CUX1: variants seen among roughly 807,000 people sequenced by gnomAD.
CUX1 encodes protein CASP.
Under a neutral mutation model 158.8 loss-of-function variants are expected in CUX1, and 31 were observed. The observed-to-expected ratio is 0.20, with a 90% CI of 0.15 to 0.26. The LOEUF (loss-of-function observed/expected upper bound fraction) is 0.26. Among genes scored for constraint, CUX1 ranks in the 10% least tolerant of loss-of-function variants. The pLI is 1.00. For synonymous variants in CUX1, 879 were observed against 862.1 expected, an observed-to-expected ratio of 1.02 and a Z score of -0.34; for missense variants, 1,589 against 2,014.6, an observed-to-expected ratio of 0.79 and a Z score of 4.04.
intron 2 of CUX1, among the ~76,000 whole-genome samples, chr7:102,018,632 C>T (rs1818961076): frequency 6.6e-6 from 1 of 152,234 alleles, no homozygotes; most frequent in Non-Finnish European, 1.5e-5. Context: ...AACAGCCTTT[C>T]CCTTGACAAT....
intron 20 of CUX1, among the ~76,000 whole-genome samples, chr7:102,223,677 AG>A (rs1358318905): frequency 6.6e-6 from 1 of 152,136 alleles, no homozygotes; most frequent in African/African-American, 2.4e-5. Context: ...TAATAAAAAA[AG>A]AAAAAAAGGG....
intron 3 of CUX1, 43 bp from the exon 4 acceptor site, chr7:102,070,296 T>G (rs1201437842): frequency 1.0e-5 from 16 of 1,524,352 alleles, no homozygotes; most frequent in Non-Finnish European, 1.4e-5. Flanking sequence ...TTGACAAATG[T>G]TGAGCTCTTT....
In CUX1 at chr7:102,081,476, C is replaced by G. The variant is rs1032536471; in HGVS notation, c.268+11059C>G. ...ATCCGATGGTTTTATAAGTGTTTGG[C>G]AGTTCCACCTTCGCTCATCTCTCTC... On this transcript the variant is annotated intron_variant, in intron 4 of 23. Coordinates refer to ENST00000292535, the MANE Select transcript of CUX1 (RefSeq NM_181552.4). Among the ~76,000 whole-genome samples, 28 of 146,714 alleles carry G rather than the reference C, an allele frequency of 1.9e-4. 4 individuals are homozygous for G. The highest frequency in any genetic ancestry group is 3.2e-4 in the Non-Finnish European group (21 of 64,914).
intron 1 of CUX1, among the ~76,000 whole-genome samples, chr7:101,839,904 G>A (rs1195179452): frequency 6.6e-6 from 1 of 152,128 alleles, no homozygotes; most frequent in Non-Finnish European, 1.5e-5. Flanking sequence ...TGGGATTACA[G>A]GCATGCGCCA....
downstream of CUX1, among the ~76,000 whole-genome samples, chr7:102,260,765 A>T (rs972456649): frequency 1.6e-4 from 24 of 152,098 alleles, no homozygotes; most frequent in African/African-American, 5.8e-4. Context: ...AATTGCAGGT[A>T]GACAGGGTGG....
chr7:101,879,623 G>T (rs1007623851), intron 1 of CUX1, among the ~76,000 whole-genome samples: 2 of 150,234 alleles, frequency 1.3e-5, no homozygotes, highest in African/African-American at 5.1e-5. Context: ...AGCCAGTGTG[G>T]TGTGACCCCC....
At chr7:101,903,916 C>T (rs987089858) in intron 1 of CUX1, among the ~76,000 whole-genome samples, 21 of 152,036 alleles carry the variant, frequency 1.4e-4, no homozygotes, top group African/African-American at 4.3e-4. Flanking sequence ...ACTTTGTACG[C>T]GTAGCTTTTA....
chr7:102,089,144 T>G (rs1828269925), intron 4 of CUX1, among the ~76,000 whole-genome samples: 1 of 152,252 alleles, frequency 6.6e-6, no homozygotes, highest in Non-Finnish European at 1.5e-5. Flanking sequence ...AGTGAATTTT[T>G]TCCATTTCAC....
chr7:101,945,455 TGTTATTTACA>T (rs1355733834), intron 2 of CUX1, among the ~76,000 whole-genome samples: 2 of 152,240 alleles, frequency 1.3e-5, no homozygotes, highest in Admixed American at 6.5e-5. Flanking sequence ...GTTAATTTAT[TGTTATTTACA>T]GTTGCACAAG....
upstream of CUX1, chr7:101,817,188 C>T (rs1584622418): frequency 4.1e-6 from 4 of 984,536 alleles, no homozygotes; most frequent in Non-Finnish European, 3.6e-6. The surrounding 1 kb of genome is among the most constrained non-coding windows in gnomAD (Gnocchi z 4.1). Context: ...GCTGTTCCCC[C>T]GGGTGCCCGG....
At chr7:102,187,229 A>G (rs1376424104) in intron 11 of CUX1, among the ~76,000 whole-genome samples, 1 of 151,882 alleles carries the variant, frequency 6.6e-6, no homozygotes, top group Non-Finnish European at 1.5e-5. Flanking sequence ...ATATCAAGCC[A>G]GGAACCTGGA....
At chr7:102,177,089 T>C (rs1296251792) in intron 10 of CUX1, among the ~76,000 whole-genome samples, 3 of 152,016 alleles carry the variant, frequency 2.0e-5, no homozygotes, top group African/African-American at 7.2e-5. Context: ...ACACCAAATA[T>C]ACATTTTCCA....
At chr7:101,902,710 G>T in intron 1 of CUX1, among the ~76,000 whole-genome samples, 1 of 152,324 alleles carries the variant, frequency 6.6e-6, no homozygotes. Flanking sequence ...CTGTCCTGCA[G>T]ACGGAGCAGT....
At chr7:102,214,834 C>A (rs1279063988) in intron 20 of CUX1, among the ~76,000 whole-genome samples, 3 of 152,260 alleles carry the variant, frequency 2.0e-5, no homozygotes, top group Admixed American at 6.5e-5. Context: ...TTACTTCTTC[C>A]CTTTGGAACC....
intron 1 of CUX1, among the ~76,000 whole-genome samples, chr7:101,849,708 G>T (rs780948075): frequency 6.6e-6 from 1 of 152,084 alleles, no homozygotes; most frequent in Non-Finnish European, 1.5e-5. Flanking sequence ...TCATGAGATT[G>T]CTGGATCGAA....
At chr7:102,025,253 C>G (rs75137959) in intron 2 of CUX1, among the ~76,000 whole-genome samples, 4,700 of 152,254 alleles carry the variant, frequency 0.031, 125 homozygotes, top group Non-Finnish European at 0.042. Flanking sequence ...CTAACACATT[C>G]ACAGGCGCCA....
intron 2 of CUX1, among the ~76,000 whole-genome samples, chr7:101,970,836 G>C (rs140995907): frequency 4.1e-4 from 62 of 152,276 alleles, no homozygotes; most frequent in Non-Finnish European, 7.6e-4. Context: ...GATTACAGGC[G>C]TGAGCCCCTG....
At chr7:101,993,264 A>G (rs1815382891) in intron 2 of CUX1, among the ~76,000 whole-genome samples, 1 of 152,166 alleles carries the variant, frequency 6.6e-6, no homozygotes, top group Non-Finnish European at 1.5e-5. Context: ...CGGGAGGTAG[A>G]GGTTGCAGTG....
chr7:101,845,052 T>C (rs536295663), intron 1 of CUX1, among the ~76,000 whole-genome samples: 18 of 152,174 alleles, frequency 1.2e-4, no homozygotes, highest in African/African-American at 1.4e-4. Flanking sequence ...TCTCATACAT[T>C]TATCTCTCCA....
Sources: gnomAD v4.1 joint callset for allele counts (sites outside exome capture counted in the v4.1 genomes callset) on GRCh38, gnomAD v4.1.1 for gene constraint, Gnocchi (gnomAD v3.1) non-coding constraint, MANE v1.5 for transcripts, NCBI Gene and HGNC (gene_info 2026-07-23, HGNC 2026-07-21) for gene names.